The following LRCH1 variants were observed in gnomAD, a reference collection of about 807,000 sequenced individuals.
The protein encoded by LRCH1 is leucine rich repeats and calponin homology domain containing 1.
In LRCH1, 23 loss-of-function variants were observed where a neutral mutation model predicts 94.9. That is an observed-to-expected ratio of 0.24 (90% confidence interval 0.17 to 0.34). The LOEUF is 0.34. LRCH1 is among the 10% of genes least tolerant of loss of function. The pLI, the probability that LRCH1 is intolerant of heterozygous loss-of-function variation, is 1.00. For missense variants in LRCH1, 790 were observed against 945.9 expected, an observed-to-expected ratio of 0.84 and a Z score of 2.16; for synonymous variants, 364 against 354.9, an observed-to-expected ratio of 1.03 and a Z score of -0.29.
chr13:46,608,314 T>C (rs367616254), intron 1 of LRCH1, among the ~76,000 whole-genome samples: 1 of 152,288 alleles, frequency 6.6e-6, no homozygotes, highest in African/African-American at 2.4e-5. Context: ...TGATTTGCTT[T>C]GGAATTAAAG....
intron 1 of LRCH1, among the ~76,000 whole-genome samples, chr13:46,595,063 CATG>C (rs377470957): frequency 1.2e-4 from 18 of 152,160 alleles, no homozygotes; most frequent in Non-Finnish European, 2.4e-4. Context: ...TTATTAATAC[CATG>C]ATGATCATTC....
At chr13:46,715,471 C>T in intron 15 of LRCH1, 89 bp from the exon 16 acceptor site, 1 of 710,550 alleles carries the variant, frequency 1.4e-6, no homozygotes, top group South Asian at 1.5e-5. Flanking sequence ...CATGCAAACC[C>T]TATGCCATTT....
At chr13:46,601,174 GT>G in intron 1 of LRCH1, among the ~76,000 whole-genome samples, 1 of 152,130 alleles carries the variant, frequency 6.6e-6, no homozygotes, top group Non-Finnish European at 1.5e-5. Flanking sequence ...GGCCGGTTTT[GT>G]TTTTCTTTTT....
rs377280114 is a variant in LRCH1 at position 46,701,084 on chromosome 13, G to A, written c.1314-37G>A. On this transcript the variant is annotated intron_variant, in intron 10 of 19. Coordinates refer to ENST00000389797, the MANE Select transcript of LRCH1 (RefSeq NM_001164211.2). The stretch of plus-strand genomic sequence containing the variant: ...AATTAGATGATATTCATGTTGTATT[G>A]ATCGTTTTCATTCTTATGCTTGGTT... The A allele has an allele frequency of 6.2e-6, 8 of 1,290,118 alleles. No homozygotes were observed. In the African/African-American group the frequency reaches 1.2e-4, roughly 19 times the overall value. 79.9% of individuals were successfully genotyped at this position (1,290,118 alleles called of 1,614,324 possible).
intron 1 of LRCH1, among the ~76,000 whole-genome samples, chr13:46,570,907 T>C (rs972030961): frequency 2.0e-5 from 3 of 152,216 alleles, no homozygotes; most frequent in African/African-American, 7.2e-5. Flanking sequence ...CCCATTCAGA[T>C]TTTTAAATTG....
chr13:46,638,018 T>G (rs1284784667), intron 1 of LRCH1, among the ~76,000 whole-genome samples: 3 of 152,214 alleles, frequency 2.0e-5, no homozygotes, highest in Non-Finnish European at 2.9e-5. Flanking sequence ...TCTTATTTTA[T>G]CCAAAAGAGA....
At chr13:46,618,397 A>G (rs1706709227) in intron 1 of LRCH1, among the ~76,000 whole-genome samples, 1 of 152,200 alleles carries the variant, frequency 6.6e-6, no homozygotes, top group Non-Finnish European at 1.5e-5. Context: ...TGCGTGGTCC[A>G]TTGTTAATGG....
intron 1 of LRCH1, among the ~76,000 whole-genome samples, chr13:46,558,572 C>CAAAGAAAAAAAAAAAAAAAAA (rs2050093276): frequency 2.9e-5 from 1 of 34,402 alleles, no homozygotes; most frequent in Non-Finnish European, 5.9e-5. Context: ...CCTGTGTCTA[C>CAAAGAAAAAAAAAAAAAAAAA]AAAAAAAAAA....
At chr13:46,682,356 C>A (rs1328940877) in intron 4 of LRCH1, among the ~76,000 whole-genome samples, 1 of 152,052 alleles carries the variant, frequency 6.6e-6, no homozygotes, top group East Asian at 1.9e-4. Flanking sequence ...ATTAGAGCTG[C>A]CCTCATGACC....
Position 46,723,313 on chromosome 13 carries a change from G to C in LRCH1, c.1852G>C (p.Val618Leu), listed in dbSNP as rs1266478263. ...GCAGATGAGAGAAGAGAAAGAGCTGGTGGAACAACTTCGTGAGGTACCCAA... is the reference window on the plus strand; with the variant it reads ...GCAGATGAGAGAAGAGAAAGAGCTGCTGGAACAACTTCGTGAGGTACCCAA... The part of the protein sequence containing the change: ...MEQMREEKEL[V>L]EQLRESIEMR... The change falls in exon 17 of 20, where the codon GTG becomes CTG. Residue 618 changes from valine to leucine, a missense_variant. Physicochemically the swap from Val to Leu is conservative, Grantham distance 32. Transcript: ENST00000389797. 1 of 1,610,892 alleles carries C rather than the reference G, an allele frequency of 6.2e-7. No homozygotes were observed. The highest frequency in any genetic ancestry group is 8.5e-7 in the Non-Finnish European group (1 of 1,177,074).
intron 7 of LRCH1, among the ~76,000 whole-genome samples, chr13:46,689,857 C>A (rs565780312): frequency 1.6e-4 from 25 of 152,212 alleles, no homozygotes; most frequent in African/African-American, 6.0e-4. Context: ...CTATTAGAGT[C>A]CCCAAAATCT....
chr13:46,725,891 G>A (rs563843699), intron 17 of LRCH1, among the ~76,000 whole-genome samples: 1 of 152,228 alleles, frequency 6.6e-6, no homozygotes, highest in South Asian at 2.1e-4. Flanking sequence ...CCCTCAAGGA[G>A]TGATATCTTA....
intron 1 of LRCH1, among the ~76,000 whole-genome samples, chr13:46,634,738 A>C (rs1466925043): frequency 2.0e-5 from 3 of 152,096 alleles, no homozygotes; most frequent in African/African-American, 7.2e-5. Context: ...TGAGGTTGTG[A>C]ATTGAGTCTT....
At chr13:46,574,027 G>A (rs2137925725) in intron 1 of LRCH1, among the ~76,000 whole-genome samples, 1 of 151,124 alleles carries the variant, frequency 6.6e-6, no homozygotes, top group African/African-American at 2.4e-5. Flanking sequence ...TGTATTTTTA[G>A]TAGAGACGGG....
intron 17 of LRCH1, among the ~76,000 whole-genome samples, chr13:46,727,930 T>TC: frequency 6.6e-6 from 1 of 152,076 alleles, no homozygotes; most frequent in Non-Finnish European, 1.5e-5. Context: ...TCTTTTTTTT[T>TC]TTTTGAGATG....
At chr13:46,670,091 G>A (rs1307788986) in intron 3 of LRCH1, among the ~76,000 whole-genome samples, 1 of 152,238 alleles carries the variant, frequency 6.6e-6, no homozygotes, top group Non-Finnish European at 1.5e-5. Flanking sequence ...CATGTCTTTA[G>A]TGGGATTGGG....
At chr13:46,604,741 C>G (rs2050669114) in intron 1 of LRCH1, among the ~76,000 whole-genome samples, 1 of 152,056 alleles carries the variant, frequency 6.6e-6, no homozygotes, top group African/African-American at 2.4e-5. Flanking sequence ...ACTAGGTGAG[C>G]TTAGAGCATA....
At chr13:46,712,689 T>C in intron 15 of LRCH1, 92 bp downstream of exon 15, 3 of 1,163,628 alleles carry the variant, frequency 2.6e-6, no homozygotes, top group South Asian at 1.3e-5. Flanking sequence ...GTGCACATCC[T>C]TGTCAGTTCT....
At chr13:46,736,077 A>G (rs1035354542) in intron 19 of LRCH1, among the ~76,000 whole-genome samples, 2 of 150,024 alleles carry the variant, frequency 1.3e-5, no homozygotes, top group African/African-American at 4.9e-5. Context: ...GATTATAGGC[A>G]TGGGCCACTG....
Sources: gnomAD v4.1 joint callset for allele counts (sites outside exome capture counted in the v4.1 genomes callset) on GRCh38, gnomAD v4.1.1 for gene constraint, MANE v1.5 for transcripts, NCBI Gene and HGNC (gene_info 2026-07-23, HGNC 2026-07-21) for gene names.